Variants in MDGA2 observed in about 807,000 individuals in gnomAD.
The protein encoded by MDGA2 is MAM domain containing glycosylphosphatidylinositol anchor 2.
Under a neutral mutation model 117.8 loss-of-function variants are expected in MDGA2, and 40 were observed. That is an observed-to-expected ratio of 0.34 (90% CI 0.26 to 0.44). The LOEUF is 0.44. MDGA2 is among the 20% of genes least tolerant of loss of function. The pLI is 1.00. For missense variants in MDGA2, 1,123 were observed against 1,250.6 expected (o/e 0.90, Z 1.54); for synonymous variants, 452 against 439.0 (o/e 1.03, Z -0.37).
intron 2 of MDGA2, among the ~76,000 whole-genome samples, chr14:47,281,432 CTTAA>C (rs1383589437): frequency 6.6e-6 from 1 of 152,046 alleles, no homozygotes; most frequent in Non-Finnish European, 1.5e-5. Flanking sequence ...ATTCTAGAGG[CTTAA>C]TTGTGTTTAT....
At chr14:47,335,203 C>A (rs1890403511) in intron 1 of MDGA2, among the ~76,000 whole-genome samples, 1 of 147,428 alleles carries the variant, frequency 6.8e-6, no homozygotes, top group African/African-American at 2.5e-5. Flanking sequence ...ATTGTAGCAG[C>A]CAAGACAGAT....
intron 1 of MDGA2, among the ~76,000 whole-genome samples, chr14:47,631,854 C>G (rs547656916): frequency 1.3e-5 from 2 of 151,996 alleles, no homozygotes; most frequent in African/African-American, 4.8e-5. Context: ...GCAGGCCGCA[C>G]GTGGCCCAGG....
At chr14:47,201,206 A>G in intron 3 of MDGA2, 1 of 562,316 alleles carries the variant, frequency 1.8e-6, no homozygotes. Context: ...CACGTGGTTT[A>G]TAACCCCTCT....
At chr14:47,374,143 C>T (rs1891425959) in intron 1 of MDGA2, among the ~76,000 whole-genome samples, 1 of 151,990 alleles carries the variant, frequency 6.6e-6, no homozygotes, top group African/African-American at 2.4e-5. Flanking sequence ...ATAATAGGAA[C>T]ATCATCTTTA....
intron 1 of MDGA2, among the ~76,000 whole-genome samples, chr14:47,510,196 C>T (rs1438128193): frequency 4.6e-5 from 7 of 152,100 alleles, no homozygotes; most frequent in Non-Finnish European, 1.0e-4. Context: ...ACCCTTTCTA[C>T]CACATAAGGA....
At chr14:47,278,970 G>A (rs949455688) in intron 2 of MDGA2, among the ~76,000 whole-genome samples, 1 of 152,094 alleles carries the variant, frequency 6.6e-6, no homozygotes, top group Non-Finnish European at 1.5e-5. Context: ...TTTAAAAACT[G>A]CATAGTATTC....
intron 1 of MDGA2, among the ~76,000 whole-genome samples, chr14:47,667,407 G>T (rs535151162): frequency 6.6e-6 from 1 of 152,164 alleles, no homozygotes. Flanking sequence ...CAATCCATCA[G>T]TGAGAAGAGT....
chr14:47,540,007 A>G (rs1303940208), intron 1 of MDGA2, among the ~76,000 whole-genome samples: 2 of 149,748 alleles, frequency 1.3e-5, no homozygotes, highest in Non-Finnish European at 3.0e-5. Flanking sequence ...GGGATCATCC[A>G]CTCATTTTCT....
At chr14:46,960,708 T>A (rs1226029222) in intron 8 of MDGA2, among the ~76,000 whole-genome samples, 2 of 148,686 alleles carry the variant, frequency 1.3e-5, no homozygotes, top group African/African-American at 2.5e-5. Context: ...TACACATATA[T>A]GTACATGAAA....
intron 8 of MDGA2, among the ~76,000 whole-genome samples, chr14:46,978,374 G>T (rs1595083179): frequency 6.6e-6 from 1 of 151,840 alleles, no homozygotes; most frequent in Admixed American, 6.6e-5. Context: ...TAACATATAT[G>T]CTAATATTGA....
chr14:46,840,477 G>A lies in MDGA2; in HGVS notation c.*1454C>T, dbSNP rs1880563068. The A allele has an allele frequency of 6.6e-6, 1 of 152,476 alleles. No homozygotes were observed. The highest frequency in any genetic ancestry group is 2.4e-5 in the African/African-American group (1 of 41,412). 9.4% of individuals were successfully genotyped at this position (152,476 alleles called of 1,614,324 possible). On this transcript the variant is annotated 3_prime_UTR_variant, in exon 17 of 17. Transcript: ENST00000399232. ...AACTGGCTGGTTAAAGATATGATTTGTCGTCAGGTAGCTCAAAATTATTTT... is the reference window on the plus strand; with the variant it reads ...AACTGGCTGGTTAAAGATATGATTTATCGTCAGGTAGCTCAAAATTATTTT...
intron 1 of MDGA2, chr14:47,342,963 GA>G (rs966743424): frequency 1.5e-6 from 1 of 682,718 alleles, no homozygotes; most frequent in Non-Finnish European, 2.3e-6. Context: ...ACAGTAGTAG[GA>G]GGAAGGAAAG....
At chr14:47,427,129 T>G (rs1408842786) in intron 1 of MDGA2, among the ~76,000 whole-genome samples, 1 of 152,134 alleles carries the variant, frequency 6.6e-6, no homozygotes, top group Non-Finnish European at 1.5e-5. Flanking sequence ...TCCCGTAAAC[T>G]GCCATCATGC....
intron 10 of MDGA2, among the ~76,000 whole-genome samples, chr14:46,898,184 T>C (rs1158975500): frequency 1.3e-5 from 2 of 151,984 alleles, no homozygotes; most frequent in Admixed American, 1.3e-4. Flanking sequence ...AAGAAAAATA[T>C]TAGCAATTAA....
chr14:47,510,391 C>T lies in MDGA2; in HGVS notation c.280+164126G>A, dbSNP rs192131931. The stretch of plus-strand genomic sequence containing the variant: ...CTAAGACAGAAATATACAGTGAGAA[C>T]TAAAGAGAGTTCTCCTTGTTTAACA... On this transcript the variant is annotated intron_variant, in intron 1 of 16. Coordinates refer to ENST00000399232, the MANE Select transcript of MDGA2 (RefSeq NM_001113498.3). 3.5e-4 allele frequency among the ~76,000 whole-genome samples: 53 copies of T among 152,296 alleles called. 1 individual carries two copies. The highest frequency in any genetic ancestry group is 8.8e-5 in the Non-Finnish European group (6 of 68,028).
intron 1 of MDGA2, among the ~76,000 whole-genome samples, chr14:47,508,081 T>C (rs1181285142): frequency 6.6e-6 from 1 of 152,234 alleles, no homozygotes; most frequent in Non-Finnish European, 1.5e-5. Context: ...GATATAGTAG[T>C]GTAATCATTT....
intron 9 of MDGA2, among the ~76,000 whole-genome samples, chr14:46,937,263 G>C (rs1160090691): frequency 1.5e-5 from 1 of 67,234 alleles, no homozygotes; most frequent in Non-Finnish European, 3.0e-5. Context: ...GGAAGTAAAA[G>C]ATCTTTATAA....
At position 47,155,885 on chromosome 14, in the gene MDGA2, CTTCTTTTTTTTTTTTTTTTTTT is replaced by C. The variant is rs1883355449; in HGVS notation, c.596-11633_596-11612del. The stretch of plus-strand genomic sequence containing the variant: ...ACAATTCTTTTCTTTTCTTCTTCTT[CTTCTTTTTTTTTTTTTTTTTTT>C]TTTTTTTTTTTTTTTTTTTTTTTTG... On this transcript the variant is annotated intron_variant, in intron 3 of 16. Coordinates refer to ENST00000399232, the MANE Select transcript of MDGA2 (RefSeq NM_001113498.3). Among the ~76,000 whole-genome samples the C allele has an allele frequency of 1.4e-4, 11 of 80,410 alleles. 1 individual carries two copies. The highest frequency in any genetic ancestry group is 4.4e-4 in the African/African-American group (10 of 22,972). The allele number at this position is 80,410 out of a possible 152,430, so 52.8% of individuals were successfully genotyped here.
At chr14:46,918,721 TTAAAC>T (rs934667211) in intron 10 of MDGA2, among the ~76,000 whole-genome samples, 37 of 151,382 alleles carry the variant, frequency 2.4e-4, no homozygotes, top group Admixed American at 6.6e-5. Flanking sequence ...TTTGAGAATC[TTAAAC>T]AGGGTGAATA....
Sources: gnomAD v4.1 joint callset for allele counts (sites outside exome capture counted in the v4.1 genomes callset) on GRCh38, gnomAD v4.1.1 for gene constraint, MANE v1.5 for transcripts, NCBI Gene and HGNC (gene_info 2026-07-23, HGNC 2026-07-21) for gene names.